The following NBPF20 variants were observed in gnomAD, a reference collection of about 807,000 sequenced individuals.
NBPF20 encodes the protein NBPF member 20.
NBPF20 carries 90 observed loss-of-function variants against 68.1 expected under a neutral mutation model. The ratio of observed to expected loss-of-function variants is 1.32; its 90% CI spans 1.11 to 1.58. The LOEUF (loss-of-function observed/expected upper bound fraction) is 1.58, where lower values mean the gene tolerates loss of function less well. Ranked by LOEUF, NBPF20 falls within the 40% of genes most tolerant of loss-of-function variation. NBPF20 has a pLI of 0.00. For synonymous variants in NBPF20, 290 were observed against 228.1 expected (o/e 1.27, Z -2.45); for missense variants, 816 against 601.2 (o/e 1.36, Z -3.74).
chr1:145,405,225 G>A (rs782031147), exon 2 of NBPF20: 33 of 1,610,974 alleles, frequency 2.0e-5, no homozygotes, highest in Non-Finnish European at 2.8e-5. Context: ...TTTCTAGAAT[G>A]TTCATCTCTG....
intron 7 of NBPF20, among the ~76,000 whole-genome samples, chr1:145,396,704 C>CTT (rs1166379226): frequency 1.4e-3 from 206 of 142,728 alleles, no homozygotes; most frequent in Non-Finnish European, 2.7e-3. Flanking sequence ...ATTCAACATT[C>CTT]TTTTTTTTTT....
intron 5 of NBPF20, among the ~76,000 whole-genome samples, chr1:145,400,855 C>G (rs1411747900): frequency 5.3e-5 from 8 of 151,804 alleles, no homozygotes; most frequent in Non-Finnish European, 7.4e-5. Context: ...CTCAGCTATC[C>G]CTGTACGGTG....
At chr1:145,394,807 ATGCCTG>A (rs1402517389) in intron 8 of NBPF20, among the ~76,000 whole-genome samples, 165 bp downstream of exon 13, 1 of 152,242 alleles carries the variant, frequency 6.6e-6, no homozygotes, top group Admixed American at 6.5e-5. Context: ...GACCCACCCC[ATGCCTG>A]TGCTTCAGAC....
At chr1:145,290,383 G>A (rs1466238961) in exon 138 of NBPF20, 3 of 149,232 alleles carry the variant, frequency 2.0e-5, no homozygotes, top group Non-Finnish European at 4.4e-5. Context: ...GACCTTCTCT[G>A]CCCGCAGATG....
upstream of NBPF20, among the ~76,000 whole-genome samples, chr1:145,409,544 G>C (rs1453829152): frequency 6.8e-6 from 1 of 147,862 alleles, no homozygotes; most frequent in African/African-American, 2.5e-5. Flanking sequence ...AATAACGAAG[G>C]CATTCTTAAC....
exon 4 of NBPF20, chr1:145,402,312 C>T: frequency 6.2e-7 from 1 of 1,610,544 alleles, no homozygotes; most frequent in Non-Finnish European, 8.5e-7. Context: ...AGGCATCTCT[C>T]CCTTCCCGCA....
the NBPF20 span, among the ~76,000 whole-genome samples, chr1:145,412,330 T>C: frequency 6.6e-6 from 1 of 152,050 alleles, no homozygotes; most frequent in African/African-American, 2.4e-5. Flanking sequence ...ACATTCCTGG[T>C]GGTATTTCAG....
chr1:145,306,306 C>G (rs1457774066), intron 119 of NBPF20, among the ~76,000 whole-genome samples: 5 of 149,026 alleles, frequency 3.4e-5, no homozygotes, highest in African/African-American at 9.9e-5. Context: ...CACAGACACA[C>G]ACACACACAC....
exon 138 of NBPF20, chr1:145,291,435 C>G (rs587687376): frequency 2.5e-6 from 4 of 1,610,482 alleles, no homozygotes; most frequent in Non-Finnish European, 2.5e-6. Context: ...TATGTCTGGG[C>G]TTCCAAATGG....
chr1:145,398,435 G>A lies in NBPF20; in HGVS notation c.827+614C>T, dbSNP rs1220572158. Among the ~76,000 whole-genome samples, 44 of 152,080 alleles carry A rather than the reference G, an allele frequency of 2.9e-4. 1 individual carries two copies. Among genetic ancestry groups the A allele is most frequent in the Middle Eastern group, 3.4e-3 (1 of 294 alleles). On this transcript the variant is annotated intron_variant, in intron 7 of 137. Coordinates refer to ENST00000369373, the Ensembl canonical transcript of NBPF20. ...AGGATTAAGAAACTCACTCAAAACC[G>A]CACAACTACATGGAAACTCAACAAC...
intron 112 of NBPF20, among the ~76,000 whole-genome samples, 170 bp from the exon 118 acceptor site, chr1:145,311,658 G>C (rs1361735261): frequency 7.8e-5 from 2 of 25,734 alleles, no homozygotes; most frequent in Admixed American, 5.2e-4. Context: ...GAGATTCCTT[G>C]GTTTTTGTCC....
At chr1:145,419,648 C>T in the NBPF20 span, among the ~76,000 whole-genome samples, 331 of 152,100 alleles carry the variant, frequency 2.2e-3, 2 homozygotes, top group Non-Finnish European at 4.0e-3. Context: ...CTCGCACTGG[C>T]TCCCACTCCC....
chr1:145,400,489 A>G (rs1218873689), exon 6 of NBPF20: 36 of 1,612,938 alleles, frequency 2.2e-5, no homozygotes, highest in Admixed American at 1.3e-4. Context: ...TGGTTTTCCT[A>G]TGTGGCTGGT....
chr1:145,338,064 G>C (rs1661589291), intron 79 of NBPF20, among the ~76,000 whole-genome samples: 1 of 90,388 alleles, frequency 1.1e-5, no homozygotes, highest in Non-Finnish European at 2.3e-5. Context: ...GAGAGAGAGA[G>C]AACGAGCTCA....
chr1:145,291,775 A>G lies in NBPF20; in HGVS notation c.16698-6T>C, dbSNP rs1174102079. ...CCATCAGCACGCCGTTGAGCCTGGA[A>G]AAGGAGACAAAACTAAAGAAGCAGC... On this transcript the variant is annotated splice_polypyrimidine_tract_variant and splice_region_variant and intron_variant, in intron 137 of 137. Transcript: ENST00000369373. 9 of 1,611,890 alleles carry G rather than the reference A, an allele frequency of 5.6e-6. No homozygotes were observed. In the Admixed American group the frequency reaches 8.3e-5, roughly 15 times the overall value.
chr1:145,295,569 G>A, exon 133 of NBPF20: 1 of 175,684 alleles, frequency 5.7e-6, no homozygotes, highest in Non-Finnish European at 9.6e-6. Flanking sequence ...AAAGTTACCT[G>A]GGGCATGATG....
chr1:145,398,002 T>A (rs1198631941), intron 7 of NBPF20, among the ~76,000 whole-genome samples: 1 of 152,190 alleles, frequency 6.6e-6, no homozygotes. Context: ...CACTACATAA[T>A]GGTAAAGGGA....
At position 145,372,478 on chromosome 1, in the gene NBPF20, T is replaced by A; in HGVS notation, c.4369+34A>T. On this transcript the variant is annotated intron_variant, in intron 36 of 137. Transcript: ENST00000369373. ...TATCACCCCTATCTGGAAGACCAGG[T>A]GGAGGCTTATCACCTTCACAGTAAG... The A allele has an allele frequency of 4.4e-6, 2 of 454,812 alleles. 1 individual carries two copies. Among genetic ancestry groups the A allele is most frequent in the South Asian group, 4.0e-5 (2 of 49,730 alleles). 28.2% of individuals were successfully genotyped at this position (454,812 alleles called of 1,614,324 possible). A position where few individuals can be genotyped will look rare whatever the true frequency, so the allele number is the denominator to read the frequency against.
At chr1:145,394,580 G>T (rs1662122364) in intron 8 of NBPF20, among the ~76,000 whole-genome samples, 1 of 152,146 alleles carries the variant, frequency 6.6e-6, no homozygotes, top group Non-Finnish European at 1.5e-5. Context: ...GGCGGGTAAA[G>T]AACCACACAG....
Sources: gnomAD v4.1 joint callset for allele counts (sites outside exome capture counted in the v4.1 genomes callset) on GRCh38, gnomAD v4.1.1 for gene constraint, MANE v1.5 for transcripts, NCBI Gene and HGNC (gene_info 2026-07-23, HGNC 2026-07-21) for gene names.